Variants in GPC6 observed in about 807,000 individuals in gnomAD.
GPC6 encodes glypican-6.
Under a neutral mutation model 55.2 loss-of-function variants are expected in GPC6, and 14 were observed. The ratio of observed to expected loss-of-function variants is 0.25; its 90% confidence interval spans 0.17 to 0.40. GPC6 has a LOEUF of 0.40. Among genes scored for constraint, GPC6 ranks in the 10% least tolerant of loss-of-function variants. The pLI, the probability that GPC6 is intolerant of heterozygous loss-of-function variation, is 1.00. For synonymous variants in GPC6, 278 were observed against 259.6 expected (o/e 1.07, Z -0.68); for missense variants, 641 against 708.5 (o/e 0.90, Z 1.08).
rs117404819 is a variant in GPC6, at chr13:94,323,977, T to A, written c.1152+17854T>A. On this transcript the variant is annotated intron_variant, in intron 6 of 8. Transcript: ENST00000377047. ...AAGCTTTTCTCGGCACATTTAGGAC[T>A]AGTCGCTGAGGACTAGAAGAGAACT... 1.0e-3 allele frequency among the ~76,000 whole-genome samples: 157 copies of A among 152,302 alleles called. 2 individuals carry two copies. In the East Asian group the frequency reaches 0.024, roughly 23 times the overall value.
At chr13:93,944,635 T>C (rs1878911624) in intron 3 of GPC6, among the ~76,000 whole-genome samples, 1 of 152,212 alleles carries the variant, frequency 6.6e-6, no homozygotes, top group African/African-American at 2.4e-5. Context: ...GTACTCCATC[T>C]ATAAAAAGTT....
chr13:93,798,417 T>C (rs1053634436), intron 2 of GPC6, among the ~76,000 whole-genome samples: 2 of 152,132 alleles, frequency 1.3e-5, no homozygotes, highest in Non-Finnish European at 2.9e-5. Context: ...CAGTCTACCA[T>C]ATAAAAACAA....
intron 3 of GPC6, among the ~76,000 whole-genome samples, chr13:93,906,091 G>T (rs1046453692): frequency 6.6e-6 from 1 of 152,120 alleles, no homozygotes; most frequent in Non-Finnish European, 1.5e-5. Flanking sequence ...GATGCAGGGG[G>T]TGTCTCAGAA....
At chr13:93,333,195 A>G (rs1295097510) in intron 1 of GPC6, among the ~76,000 whole-genome samples, 2 of 152,072 alleles carry the variant, frequency 1.3e-5, no homozygotes, top group African/African-American at 4.8e-5. Context: ...ATGATTCTGT[A>G]TGCATTTTAG....
At chr13:94,225,640 A>G (rs1415632041) in intron 4 of GPC6, among the ~76,000 whole-genome samples, 1 of 144,974 alleles carries the variant, frequency 6.9e-6, no homozygotes, top group Non-Finnish European at 1.5e-5. Context: ...TATGTAAGGT[A>G]TATATATATG....
intron 4 of GPC6, among the ~76,000 whole-genome samples, chr13:94,274,252 T>A (rs1377578933): frequency 6.6e-6 from 1 of 152,232 alleles, no homozygotes; most frequent in African/African-American, 2.4e-5. Context: ...ATAAGCCTCT[T>A]TGTTTGCACT....
rs1884565597 is a variant in GPC6 at position 93,751,086 on chromosome 13, TAC to T, written c.320-79066_320-79065del. On this transcript the variant is annotated intron_variant, in intron 2 of 8. Coordinates refer to ENST00000377047, the MANE Select transcript of GPC6 (RefSeq NM_005708.5). Reference sequence around the variant, plus strand: ...GGATCCTCATCTGTAGAGTGAGGAGTACAGAGTTGGCTACTTTGCAAGAATAG... The same window carrying T: ...GGATCCTCATCTGTAGAGTGAGGAGTAGAGTTGGCTACTTTGCAAGAATAG... Among the ~76,000 whole-genome samples the T allele has an allele frequency of 1.3e-5, 2 of 152,068 alleles. 1 individual carries two copies. The highest frequency in any genetic ancestry group is 4.1e-4 in the South Asian group (2 of 4,828).
At chr13:93,535,401 G>A (rs1199439265) in intron 1 of GPC6, among the ~76,000 whole-genome samples, 1 of 152,150 alleles carries the variant, frequency 6.6e-6, no homozygotes, top group Non-Finnish European at 1.5e-5. Context: ...ATACAGCAAA[G>A]TAGCTGCCAT....
chr13:93,796,995 T>G (rs192247983), intron 2 of GPC6, among the ~76,000 whole-genome samples: 120 of 151,330 alleles, frequency 7.9e-4, no homozygotes, highest in Middle Eastern at 3.5e-3. Flanking sequence ...CTGCTGAATT[T>G]CCACAAGTCA....
At chr13:93,776,200 A>G (rs1160250036) in intron 2 of GPC6, among the ~76,000 whole-genome samples, 1 of 152,170 alleles carries the variant, frequency 6.6e-6, no homozygotes, top group Non-Finnish European at 1.5e-5. Flanking sequence ...CTTTACAAAT[A>G]TAGGGAGTAG....
At chr13:93,334,346 A>T (rs1879968584) in intron 1 of GPC6, among the ~76,000 whole-genome samples, 2 of 152,254 alleles carry the variant, frequency 1.3e-5, no homozygotes, top group South Asian at 4.1e-4. Flanking sequence ...TTCAATATAC[A>T]TCATAGAATT....
chr13:94,068,952 G>C (rs1444873485), intron 4 of GPC6, among the ~76,000 whole-genome samples: 1 of 152,164 alleles, frequency 6.6e-6, no homozygotes, highest in Non-Finnish European at 1.5e-5. Context: ...CCATTCTGGG[G>C]TCTGGAGGAC....
chr13:93,250,911 A>C (rs766623203), intron 1 of GPC6, among the ~76,000 whole-genome samples: 50 of 152,234 alleles, frequency 3.3e-4, no homozygotes, highest in Non-Finnish European at 6.3e-4. Context: ...TCACAGTTCC[A>C]CATGGCTGGG....
intron 3 of GPC6, among the ~76,000 whole-genome samples, chr13:93,869,421 TA>T (rs1309084093): frequency 6.6e-6 from 1 of 151,854 alleles, no homozygotes; most frequent in Non-Finnish European, 1.5e-5. Flanking sequence ...CTGTCATAGC[TA>T]AGAAGGAGAG....
intron 3 of GPC6, among the ~76,000 whole-genome samples, chr13:94,019,595 A>AT (rs1290406090): frequency 6.6e-6 from 1 of 152,008 alleles, no homozygotes; most frequent in Non-Finnish European, 1.5e-5. Context: ...CAATCTTCAC[A>AT]TCATCTTCTT....
At chr13:93,499,267 G>T (rs556815886) in intron 1 of GPC6, among the ~76,000 whole-genome samples, 1 of 152,102 alleles carries the variant, frequency 6.6e-6, no homozygotes, top group Non-Finnish European at 1.5e-5. Flanking sequence ...AAAAGAGTTT[G>T]TTTCCACATC....
intron 1 of GPC6, among the ~76,000 whole-genome samples, chr13:93,321,282 A>G (rs1879427768): frequency 6.6e-6 from 1 of 152,112 alleles, no homozygotes; most frequent in South Asian, 2.1e-4. Flanking sequence ...TTCACATTTC[A>G]TTAATTGGGT....
At chr13:93,973,686 C>T (rs1880389465) in intron 3 of GPC6, among the ~76,000 whole-genome samples, 1 of 152,152 alleles carries the variant, frequency 6.6e-6, no homozygotes. Flanking sequence ...GAGTGCCTTT[C>T]TCACCAATAT....
At position 93,277,432 on chromosome 13, in the gene GPC6, C is replaced by T. The variant is rs138797487; in HGVS notation, c.160+49816C>T. Among the ~76,000 whole-genome samples the T allele has an allele frequency of 1.8e-4, 27 of 152,208 alleles. 1 individual carries two copies. The East Asian group carries it at 5.0e-3, about 28-fold the overall frequency. Reference sequence around the variant, plus strand: ...CCAGACACTATACAAATAGAAATGACGAATGCTGGTACAGAAATGTGAGAT... The same window carrying T: ...CCAGACACTATACAAATAGAAATGATGAATGCTGGTACAGAAATGTGAGAT... On this transcript the variant is annotated intron_variant, in intron 1 of 8. Transcript: ENST00000377047.
Sources: allele counts gnomAD v4.1 joint callset (sites outside exome capture counted in the v4.1 genomes callset), GRCh38; gene constraint gnomAD v4.1.1; transcripts MANE v1.5; gene names NCBI Gene and HGNC (gene_info 2026-07-23, HGNC 2026-07-21).